The following PPM1E variants were observed in gnomAD, a reference collection of about 807,000 sequenced individuals.
PPM1E encodes protein phosphatase, Mg2+/Mn2+ dependent 1E.
PPM1E carries 20 observed loss-of-function variants against 65.9 expected under a neutral mutation model. The observed-to-expected ratio is 0.30, with a 90% CI of 0.21 to 0.44. The LOEUF is 0.44. Ranked by LOEUF, PPM1E falls within the 20% of genes least tolerant of loss-of-function variation. The pLI, the probability that PPM1E is intolerant of heterozygous loss-of-function variation, is 1.00. For synonymous variants in PPM1E, 352 were observed against 374.9 expected (o/e 0.94, Z 0.70); for missense variants, 713 against 953.1 (o/e 0.75, Z 3.32).
intron 1 of PPM1E, among the ~76,000 whole-genome samples, chr17:58,824,532 T>G (rs2050512704): frequency 6.6e-6 from 1 of 152,106 alleles, no homozygotes. Flanking sequence ...TTTATTCTAC[T>G]TTTATTAATG....
chr17:58,852,907 T>C (rs1288409219), intron 1 of PPM1E, among the ~76,000 whole-genome samples: 5 of 152,162 alleles, frequency 3.3e-5, no homozygotes, highest in African/African-American at 1.2e-4. Flanking sequence ...TGGTCTACCA[T>C]TTGTATATCT....
intron 1 of PPM1E, among the ~76,000 whole-genome samples, chr17:58,843,163 G>A (rs2050736841): frequency 6.6e-6 from 1 of 151,358 alleles, no homozygotes; most frequent in Admixed American, 6.6e-5. Flanking sequence ...GGCGGCGCCT[G>A]TAGTCCCAGG....
intron 1 of PPM1E, among the ~76,000 whole-genome samples, chr17:58,930,407 T>C (rs1414960672): frequency 2.6e-5 from 4 of 152,110 alleles, no homozygotes; most frequent in Non-Finnish European, 4.4e-5. Flanking sequence ...AAGTCTGTAG[T>C]GATCTGTAAT....
At position 58,948,807 on chromosome 17, in the gene PPM1E, G is replaced by A. The variant is rs77597738; in HGVS notation, c.465-6842G>A. On this transcript the variant is annotated intron_variant, in intron 1 of 6. Coordinates refer to ENST00000308249, the MANE Select transcript of PPM1E (RefSeq NM_014906.5). ...TAGGAGCATGTTGTGTAATTTCCATGTATTTGTGTAATTTTGAATGTTTCA... is the reference window on the plus strand; with the variant it reads ...TAGGAGCATGTTGTGTAATTTCCATATATTTGTGTAATTTTGAATGTTTCA... Among the ~76,000 whole-genome samples, 401 of 152,132 alleles carry A rather than the reference G, an allele frequency of 2.6e-3. 13 individuals carry two copies. In the East Asian group the frequency reaches 0.071, roughly 27 times the overall value.
intron 1 of PPM1E, among the ~76,000 whole-genome samples, chr17:58,947,128 T>G: frequency 6.9e-6 from 1 of 145,146 alleles, no homozygotes; most frequent in Admixed American, 7.0e-5. Context: ...TTTTTTTTTT[T>G]TTTTTTTTTT....
intron 1 of PPM1E, among the ~76,000 whole-genome samples, chr17:58,843,182 T>C (rs915918475): frequency 2.0e-5 from 3 of 150,902 alleles, no homozygotes; most frequent in Non-Finnish European, 4.4e-5. Flanking sequence ...GGCTGGAGAA[T>C]GGAGTGAACC....
At chr17:58,785,051 A>G (rs1598569416) in intron 1 of PPM1E, among the ~76,000 whole-genome samples, 1 of 152,056 alleles carries the variant, frequency 6.6e-6, no homozygotes, top group South Asian at 2.1e-4. Flanking sequence ...GTGTTGCCCA[A>G]TCCAAGGTCA....
chr17:58,933,511 A>G (rs562080481), intron 1 of PPM1E, among the ~76,000 whole-genome samples: 1 of 152,320 alleles, frequency 6.6e-6, no homozygotes, highest in Non-Finnish European at 1.5e-5. Flanking sequence ...AAAGATGGAA[A>G]CAGGCTGGGT....
intron 1 of PPM1E, among the ~76,000 whole-genome samples, chr17:58,935,754 G>C (rs2051971315): frequency 6.6e-6 from 1 of 152,080 alleles, no homozygotes; most frequent in African/African-American, 2.4e-5. Context: ...AACCTGATCA[G>C]TGTGAGCAAA....
chr17:58,755,866 C>T lies in PPM1E; in HGVS notation c.-132C>T. 2 of 1,489,498 alleles carry T rather than the reference C, an allele frequency of 1.3e-6. No individual in the cohort carries two copies. Among genetic ancestry groups the T allele is most frequent in the South Asian group, 1.4e-5 (1 of 72,162 alleles). The allele number at this position is 1,489,498 out of a possible 1,614,324, so 92.3% of individuals were successfully genotyped here. A position where few individuals can be genotyped will look rare whatever the true frequency, so the allele number is the denominator to read the frequency against. On this transcript the variant is annotated 5_prime_UTR_variant, in exon 1 of 7. Coordinates refer to ENST00000308249, the MANE Select transcript of PPM1E (RefSeq NM_014906.5). Reference sequence around the variant, plus strand: ...GCCTGCGGGAGCCCTCTCCAGGCAACCTAGTGCTGATCGCTCGTGCCGGTG... The same window carrying T: ...GCCTGCGGGAGCCCTCTCCAGGCAATCTAGTGCTGATCGCTCGTGCCGGTG...
chr17:58,897,174 G>T (rs2051429972), intron 1 of PPM1E, among the ~76,000 whole-genome samples: 1 of 152,124 alleles, frequency 6.6e-6, no homozygotes, highest in Admixed American at 6.5e-5. Flanking sequence ...CAACACTTTG[G>T]GAGGCTGAGG....
intron 1 of PPM1E, among the ~76,000 whole-genome samples, chr17:58,881,255 G>A (rs781247623): frequency 6.6e-5 from 10 of 152,202 alleles, no homozygotes; most frequent in African/African-American, 1.7e-4. Flanking sequence ...AAGGCTGGGC[G>A]CAGTGGCTCA....
At chr17:58,975,605 C>T (rs1236513353) in intron 6 of PPM1E, among the ~76,000 whole-genome samples, 1 of 152,128 alleles carries the variant, frequency 6.6e-6, no homozygotes, top group Non-Finnish European at 1.5e-5. Context: ...AATATAAATA[C>T]ACAGGGGTTT....
At chr17:58,903,271 A>T (rs898936430) in intron 1 of PPM1E, among the ~76,000 whole-genome samples, 1 of 152,186 alleles carries the variant, frequency 6.6e-6, no homozygotes, top group Non-Finnish European at 1.5e-5. Flanking sequence ...TACTCCATCC[A>T]GCCATTCTTC....
chr17:58,774,210 C>G (rs2049970903), intron 1 of PPM1E, among the ~76,000 whole-genome samples: 1 of 149,296 alleles, frequency 6.7e-6, no homozygotes, highest in African/African-American at 2.4e-5. Flanking sequence ...ATACTAAAGT[C>G]TGAGAACCAC....
intron 1 of PPM1E, among the ~76,000 whole-genome samples, chr17:58,830,549 G>A (rs1372625928): frequency 7.2e-5 from 11 of 151,918 alleles, no homozygotes; most frequent in African/African-American, 1.9e-4. Flanking sequence ...CTTGTGATCC[G>A]CCCACCTCGG....
intron 1 of PPM1E, among the ~76,000 whole-genome samples, chr17:58,791,580 T>C (rs1297406959): frequency 6.6e-6 from 1 of 152,186 alleles, no homozygotes; most frequent in Admixed American, 6.5e-5. Flanking sequence ...CTTTCCTCTT[T>C]ATCCACTTGT....
chr17:58,851,701 G>A (rs1215485172), intron 1 of PPM1E, among the ~76,000 whole-genome samples: 2 of 152,242 alleles, frequency 1.3e-5, no homozygotes, highest in East Asian at 1.9e-4. Context: ...ACTGGGAGAT[G>A]TCTCCCAGTT....
chr17:58,794,917 C>T, intron 1 of PPM1E, among the ~76,000 whole-genome samples: 2 of 133,650 alleles, frequency 1.5e-5, no homozygotes, highest in African/African-American at 2.9e-5. Context: ...GAGGCAGAGT[C>T]TTGCTCTGTC....
Sources: allele counts gnomAD v4.1 joint callset (sites outside exome capture counted in the v4.1 genomes callset), GRCh38; gene constraint gnomAD v4.1.1; transcripts MANE v1.5; gene names NCBI Gene and HGNC (gene_info 2026-07-23, HGNC 2026-07-21).